The following ADISSP variants were observed in gnomAD, a reference collection of about 807,000 sequenced individuals.
The protein encoded by ADISSP is adipose-secreted signaling protein.
At chr20:3,757,773 C>T in the ADISSP span, among the ~76,000 whole-genome samples, 16 of 152,150 alleles carry the variant, frequency 1.1e-4, no homozygotes, top group East Asian at 3.9e-4. Flanking sequence ...GGACTACAGG[C>T]GTGCGCCACC....
chr20:3,753,968 G>A, the ADISSP span: 5 of 980,116 alleles, frequency 5.1e-6, no homozygotes, highest in African/African-American at 3.2e-5. Context: ...CCCCAGAGAG[G>A]GGCGAGGAAG....
the ADISSP span, among the ~76,000 whole-genome samples, chr20:3,756,397 G>A: frequency 9.1e-4 from 139 of 152,316 alleles, 1 homozygote; most frequent in Non-Finnish European, 1.4e-3. Flanking sequence ...GTAGTATGAA[G>A]GGTCACAAGC....
At chr20:3,766,602 C>T in the ADISSP span, among the ~76,000 whole-genome samples, 1 of 152,198 alleles carries the variant, frequency 6.6e-6, no homozygotes, top group Non-Finnish European at 1.5e-5. Context: ...CACCTAGGCC[C>T]TGCCCTGGGC....
chr20:3,755,382 T>C, the ADISSP span: 2 of 1,319,830 alleles, frequency 1.5e-6, no homozygotes, highest in East Asian at 4.6e-5. Flanking sequence ...CTTGCTGAGC[T>C]GCCCATCCAC....
At chr20:3,754,082 G>A in the ADISSP span, 28 of 1,613,348 alleles carry the variant, frequency 1.7e-5, 2 homozygotes, top group African/African-American at 1.9e-4. Flanking sequence ...GCCAGTCGCT[G>A]TGCTCTGAGT....
the ADISSP span, chr20:3,755,639 CT>C: frequency 1.3e-6 from 2 of 1,569,960 alleles, no homozygotes; most frequent in Non-Finnish European, 8.7e-7. Flanking sequence ...AGGGAGGCAC[CT>C]TCACTTCCTG....
chr20:3,766,338 A>G, the ADISSP span, among the ~76,000 whole-genome samples: 3 of 152,262 alleles, frequency 2.0e-5, no homozygotes, highest in East Asian at 5.8e-4. Context: ...TAGTTGTGGC[A>G]GCTTCACATC....
At chr20:3,759,603 C>A in the ADISSP span, among the ~76,000 whole-genome samples, 1 of 152,128 alleles carries the variant, frequency 6.6e-6, no homozygotes, top group Non-Finnish European at 1.5e-5. The surrounding 1 kb of genome is among the most constrained non-coding windows in gnomAD (Gnocchi z 4.6). Context: ...CTCGGAGGCC[C>A]AGGGGACCAG....
At chr20:3,755,451 C>G in the ADISSP span, 1 of 1,607,536 alleles carries the variant, frequency 6.2e-7, no homozygotes, top group Non-Finnish European at 8.5e-7. Flanking sequence ...CCAGGCCCTG[C>G]TGGAGGAGGG....
At chr20:3,753,962 A>C in the ADISSP span, 1 of 932,570 alleles carries the variant, frequency 1.1e-6, no homozygotes, top group Non-Finnish European at 1.7e-6. Flanking sequence ...CACCCACCCC[A>C]GAGAGGGGCG....
At chr20:3,753,589 G>GTGGGGGC in the ADISSP span, 1 of 182,886 alleles carries the variant, frequency 5.5e-6, no homozygotes, top group South Asian at 1.1e-4. Flanking sequence ...GACCTGAGGG[G>GTGGGGGC]TGGGGGCTGG....
the ADISSP span, among the ~76,000 whole-genome samples, chr20:3,761,374 C>T: frequency 6.7e-6 from 1 of 149,734 alleles, no homozygotes; most frequent in Non-Finnish European, 1.5e-5. Flanking sequence ...TCACTCTTGT[C>T]ACCCAGGCTG....
chr20:3,764,075 C>G, the ADISSP span, among the ~76,000 whole-genome samples: 224 of 152,356 alleles, frequency 1.5e-3, 1 homozygote, highest in Middle Eastern at 3.4e-3. Context: ...TGCCTCAGCC[C>G]TGGAAAGCTC....
At chr20:3,758,788 T>A in the ADISSP span, 1 of 1,050,074 alleles carries the variant, frequency 9.5e-7, no homozygotes, top group African/African-American at 1.6e-5. The surrounding 1 kb of genome is among the most constrained non-coding windows in gnomAD (Gnocchi z 5.5). Context: ...CAGCTCCCAC[T>A]GGCTGGGCTC....
At chr20:3,753,859 G>C in the ADISSP span, 1 of 603,876 alleles carries the variant, frequency 1.7e-6, no homozygotes, top group Non-Finnish European at 3.0e-6. Flanking sequence ...CACACAGAGA[G>C]GAGGAAGTGG....
the ADISSP span, chr20:3,760,087 T>C: frequency 1.2e-6 from 2 of 1,612,560 alleles, no homozygotes; most frequent in South Asian, 1.1e-5. Flanking sequence ...CTTACCCTTG[T>C]TGGCTGCAGC....
the ADISSP span, chr20:3,754,168 A>G: frequency 1.2e-6 from 2 of 1,602,950 alleles, no homozygotes; most frequent in East Asian, 2.2e-5. Flanking sequence ...TCTGCAAGGC[A>G]GGGTGCAAGT....
At chr20:3,757,866 G>A in the ADISSP span, among the ~76,000 whole-genome samples, 1,246 of 152,080 alleles carry the variant, frequency 8.2e-3, 12 homozygotes, top group African/African-American at 0.028. Context: ...TTTGAGCAGC[G>A]CAGCAGACCC....
chr20:3,766,859 T>C, the ADISSP span, among the ~76,000 whole-genome samples: 1 of 152,090 alleles, frequency 6.6e-6, no homozygotes, highest in East Asian at 1.9e-4. Flanking sequence ...ACCTCCACTT[T>C]CCAGTGCCAA....
Sources: gnomAD v4.1 joint callset for allele counts (sites outside exome capture counted in the v4.1 genomes callset) on GRCh38, gnomAD v4.1.1 for gene constraint, Gnocchi (gnomAD v3.1) non-coding constraint, MANE v1.5 for transcripts, NCBI Gene and HGNC (gene_info 2026-07-23, HGNC 2026-07-21) for gene names.